PAIP1: variants seen among roughly 807,000 people sequenced by gnomAD.
PAIP1 encodes the protein poly(A) binding protein interacting protein 1.
In PAIP1, 16 loss-of-function variants were observed where a neutral mutation model predicts 61.3. That is an observed-to-expected ratio of 0.26 (90% CI 0.18 to 0.40). PAIP1 has a LOEUF of 0.40. PAIP1 is among the 10% of genes least tolerant of loss of function. The pLI is 1.00. For missense variants in PAIP1, 416 were observed against 600.9 expected (o/e 0.69, Z 3.22); for synonymous variants, 187 against 226.2 (o/e 0.83, Z 1.56).
At chr5:43,543,310 C>CAAAAAAAAAAAAAAAA (rs11427976) in intron 3 of PAIP1, among the ~76,000 whole-genome samples, 194 bp from the exon 4 acceptor site, 1 of 96,042 alleles carries the variant, frequency 1.0e-5, no homozygotes, top group Non-Finnish European at 2.0e-5. Context: ...ACAATAAGTA[C>CAAAAAAAAAAAAAAAA]AAAAAAAAAA....
chr5:43,532,623 T>G (rs925719165), intron 9 of PAIP1, among the ~76,000 whole-genome samples: 24 of 152,316 alleles, frequency 1.6e-4, no homozygotes, highest in African/African-American at 5.3e-4. Flanking sequence ...TGATAAATTT[T>G]GTTCACATTA....
At chr5:43,530,681 C>T (rs550213698) in intron 9 of PAIP1, among the ~76,000 whole-genome samples, 12 of 152,220 alleles carry the variant, frequency 7.9e-5, no homozygotes, top group Non-Finnish European at 1.2e-4. Context: ...ATTTAGAGAC[C>T]GTTTTAACAG....
chr5:43,548,395 GAAAAA>G (rs57478431), intron 2 of PAIP1, among the ~76,000 whole-genome samples: 2 of 148,374 alleles, frequency 1.3e-5, no homozygotes, highest in Non-Finnish European at 3.0e-5. Flanking sequence ...TTTTATTGGG[GAAAAA>G]AAAAACAAAA....
chr5:43,556,676 C>A lies in PAIP1; in HGVS notation c.171G>T (p.Pro57=). 6 of 1,287,816 alleles carry A rather than the reference C, an allele frequency of 4.7e-6. No homozygotes were observed. Among genetic ancestry groups the A allele is most frequent in the Non-Finnish European group, 5.9e-6 (6 of 1,019,370 alleles). The allele number at this position is 1,287,816 out of a possible 1,614,324, so 79.8% of individuals were successfully genotyped here. ...GGGTCGTCCTGGGCTGGCGCAGCGGCGGTGGCTGCAGGAAGCCCGGGGCTT... is the reference window on the plus strand; with the variant it reads ...GGGTCGTCCTGGGCTGGCGCAGCGGAGGTGGCTGCAGGAAGCCCGGGGCTT... The part of the protein sequence containing the change: ...QPKAPGFLQP[P]PLRQPRTTPP... Residue 57 remains proline, a synonymous_variant, in exon 1 of 11, where the codon CCG becomes CCT. Transcript: ENST00000306846.
chr5:43,556,339 A>G (rs1473133130), intron 1 of PAIP1: 1 of 1,234,664 alleles, frequency 8.1e-7, no homozygotes, highest in Non-Finnish European at 1.0e-6. Flanking sequence ...TCCTCCCGGG[A>G]CCCCGAACTC....
At chr5:43,528,658 G>C (rs546487660) in intron 10 of PAIP1, among the ~76,000 whole-genome samples, 2 of 151,680 alleles carry the variant, frequency 1.3e-5, no homozygotes, top group South Asian at 4.2e-4. Flanking sequence ...TGTATTTCTA[G>C]ATCTCAAACC....
At position 43,556,018 on chromosome 5, in the gene PAIP1, CG is replaced by C. The variant is rs1561240671; in HGVS notation, c.266-20del. ...GTTTGCTCTGCAAAAGAAAAAAAAA[CG>C]GGGCGTCAGATGCATTCTTTCCTTT... On this transcript the variant is annotated intron_variant, in intron 1 of 10. Transcript: ENST00000306846. The C allele has an allele frequency of 2.5e-6, 4 of 1,599,652 alleles. No individual in the cohort carries two copies. The Admixed American group carries it at 5.3e-5, about 21-fold the overall frequency.
chr5:43,543,418 G>A (rs1167119399), intron 3 of PAIP1, among the ~76,000 whole-genome samples: 2 of 151,688 alleles, frequency 1.3e-5, no homozygotes, highest in African/African-American at 4.8e-5. Context: ...ACCTGTACAT[G>A]TCCTCAACTG....
Position 43,543,037 on chromosome 5 carries a change from T to G in PAIP1, c.701A>C (p.Gln234Pro). The G allele has an allele frequency of 6.2e-7, 1 of 1,604,932 alleles. No homozygotes were observed. Among genetic ancestry groups the G allele is most frequent in the Non-Finnish European group, 8.5e-7 (1 of 1,171,838 alleles). The change falls in exon 4 of 11, where the codon CAG becomes CCG. Residue 234 changes from glutamine to proline, a missense_variant. This residue lies in a region of PAIP1 where 180 missense variants were observed against 211.2 expected (regional missense o/e 0.85). Coordinates refer to ENST00000306846, the MANE Select transcript of PAIP1 (RefSeq NM_006451.5). ...TAGCAATTGGCGGAAGTTGCCACTC[T>G]GTGGGCTAATTGTCAGATGATGGGA... is the stretch of plus-strand genomic sequence containing the variant. ...YLSHHLTISP[Q>P]SGNFRQLLLQ...
At chr5:43,529,555 C>T (rs1431717228) in intron 10 of PAIP1, among the ~76,000 whole-genome samples, 1 of 152,110 alleles carries the variant, frequency 6.6e-6, no homozygotes, top group Non-Finnish European at 1.5e-5. Context: ...GTGATCCTGG[C>T]TAATTTTTGT....
At chr5:43,533,509 CTGT>C (rs1195339185) in intron 9 of PAIP1, among the ~76,000 whole-genome samples, 2 of 152,186 alleles carry the variant, frequency 1.3e-5, no homozygotes, top group African/African-American at 4.8e-5. Flanking sequence ...TTCCCATCCT[CTGT>C]TGTTAAGTGA....
intron 5 of PAIP1, among the ~76,000 whole-genome samples, chr5:43,538,256 G>A (rs1391503534): frequency 6.6e-6 from 1 of 151,962 alleles, no homozygotes; most frequent in South Asian, 2.1e-4. Context: ...TTTCATTTAG[G>A]GGGAATAAGT....
Position 43,556,827 on chromosome 5 carries a change from C to T in PAIP1, c.20G>A (p.Arg7Gln). Reference sequence around the variant, plus strand: ...CCGGCCCCGACCAGCACCTGGGGCCCGATCGAAACCGTCCGACATGCTCCT... The same window carrying T: ...CCGGCCCCGACCAGCACCTGGGGCCTGATCGAAACCGTCCGACATGCTCCT... MSDGFD[R>Q]APGAGRGRSR... Residue 7 changes from arginine (R) to glutamine (Q), a missense_variant, in exon 1 of 11, where the codon CGG (arginine) becomes CAG (glutamine). Physicochemically the swap from Arg to Gln is conservative, Grantham distance 43. This residue lies in a region of PAIP1 where 97 missense variants were observed against 89.5 expected (regional missense o/e 1.08). Transcript: ENST00000306846. 6.9e-7 allele frequency: 1 copy of T among 1,451,150 alleles called. No homozygotes were observed. Among genetic ancestry groups the T allele is most frequent in the Non-Finnish European group, 9.1e-7 (1 of 1,104,080 alleles). 89.9% of individuals were successfully genotyped at this position (1,451,150 alleles called of 1,614,324 possible).
At chr5:43,548,391 TG>T (rs1005447489) in intron 2 of PAIP1, among the ~76,000 whole-genome samples, 4 of 112,644 alleles carry the variant, frequency 3.6e-5, no homozygotes, top group African/African-American at 1.1e-4. Flanking sequence ...ACTTTTTTAT[TG>T]GGGAAAAAAA....
chr5:43,550,935 C>G (rs1747845194), intron 2 of PAIP1, among the ~76,000 whole-genome samples: 1 of 148,226 alleles, frequency 6.7e-6, no homozygotes, highest in Admixed American at 6.7e-5. Context: ...ATACAAATAT[C>G]TAAGGAAAGA....
chr5:43,556,847 G>A lies in PAIP1; in HGVS notation c.-1C>T, dbSNP rs912149859. On this transcript the variant is annotated 5_prime_UTR_variant, in exon 1 of 11. Coordinates refer to ENST00000306846, the MANE Select transcript of PAIP1 (RefSeq NM_006451.5). ...GGGCCCGATCGAAACCGTCCGACAT[G>A]CTCCTCCTCCTCCGCCTCCTCCTCC... 4.9e-6 allele frequency: 7 copies of A among 1,432,542 alleles called. 1 individual carries two copies. The highest frequency in any genetic ancestry group is 3.1e-5 in the East Asian group (1 of 32,688). The allele number at this position is 1,432,542 out of a possible 1,614,324, so 88.7% of individuals were successfully genotyped here.
chr5:43,537,600 A>T (rs960723801), intron 5 of PAIP1, among the ~76,000 whole-genome samples: 1 of 152,086 alleles, frequency 6.6e-6, no homozygotes, highest in African/African-American at 2.4e-5. Flanking sequence ...ATAGATTCAC[A>T]TTGTCTTATG....
In PAIP1 at chr5:43,556,929, G is replaced by T; in HGVS notation, c.-83C>A. On this transcript the variant is annotated 5_prime_UTR_variant, in exon 1 of 11. Coordinates refer to ENST00000306846, the MANE Select transcript of PAIP1 (RefSeq NM_006451.5). ...CGCGGGGGGAAGGCGCCGCGGGTCG[G>T]CTATAGCCGCCGCGCCTCACTCGGG... 3.1e-6 allele frequency: 4 copies of T among 1,292,820 alleles called. No homozygotes were observed. The highest frequency in any genetic ancestry group is 3.9e-6 in the Non-Finnish European group (4 of 1,020,664). 80.1% of individuals were successfully genotyped at this position (1,292,820 alleles called of 1,614,324 possible).
At chr5:43,552,679 G>A (rs1362388571) in intron 2 of PAIP1, among the ~76,000 whole-genome samples, 5 of 152,104 alleles carry the variant, frequency 3.3e-5, no homozygotes, top group South Asian at 2.1e-4. Context: ...GCAGAGTCTC[G>A]GGAGTGAAGG....
Sources: gnomAD v4.1 joint callset for allele counts (sites outside exome capture counted in the v4.1 genomes callset) on GRCh38, gnomAD v4.1.1 for gene constraint, gnomAD v4.1.1 regional missense constraint, MANE v1.5 for transcripts, NCBI Gene and HGNC (gene_info 2026-07-23, HGNC 2026-07-21) for gene names.